Variants in TMEM131L observed in about 807,000 individuals in gnomAD.
The protein encoded by TMEM131L is transmembrane protein 131-like.
A neutral mutation model predicts 192.2 loss-of-function variants in TMEM131L; 54 were observed. That is an observed-to-expected ratio of 0.28 (90% CI 0.23 to 0.35). TMEM131L has a LOEUF of 0.35. Ranked by LOEUF, TMEM131L falls within the 10% of genes least tolerant of loss-of-function variation. TMEM131L has a pLI of 1.00. For synonymous variants in TMEM131L, 701 were observed against 704.9 expected, an observed-to-expected ratio of 0.99 and a Z score of 0.09; for missense variants, 1,888 against 1,972.9, an observed-to-expected ratio of 0.96 and a Z score of 0.82.
intron 3 of TMEM131L, among the ~76,000 whole-genome samples, chr4:153,484,280 G>A (rs1029143444): frequency 1.3e-5 from 2 of 152,070 alleles, no homozygotes; most frequent in Non-Finnish European, 1.5e-5. Context: ...AGTCTAGGCA[G>A]TATTTTACAG....
At chr4:153,578,222 A>G (rs1047139804) in intron 7 of TMEM131L, among the ~76,000 whole-genome samples, 5 of 152,156 alleles carry the variant, frequency 3.3e-5, no homozygotes, top group Non-Finnish European at 7.4e-5. Flanking sequence ...TGGGCATGGT[A>G]GTGCACGCTT....
At chr4:153,487,356 G>C (rs1397607249) in intron 3 of TMEM131L, among the ~76,000 whole-genome samples, 1 of 152,144 alleles carries the variant, frequency 6.6e-6, no homozygotes, top group Non-Finnish European at 1.5e-5. Context: ...TGGAGTGTTA[G>C]CTGGTGGATC....
chr4:153,480,808 T>G (rs115103413), intron 3 of TMEM131L, among the ~76,000 whole-genome samples: 1 of 152,228 alleles, frequency 6.6e-6, no homozygotes, highest in African/African-American at 2.4e-5. Flanking sequence ...AGAGTTCTCC[T>G]TTAGCTTGCA....
chr4:153,547,656 C>T (rs940064629), intron 3 of TMEM131L, among the ~76,000 whole-genome samples: 1 of 152,228 alleles, frequency 6.6e-6, no homozygotes, highest in Non-Finnish European at 1.5e-5. Context: ...GACTGATACT[C>T]TCAGGGCTGG....
chr4:153,557,192 G>T (rs1039630493), intron 6 of TMEM131L, 110 bp downstream of exon 6: 1 of 659,758 alleles, frequency 1.5e-6, no homozygotes, highest in Admixed American at 2.9e-5. Flanking sequence ...GGTTTATGTC[G>T]TTAAAATACA....
intron 7 of TMEM131L, among the ~76,000 whole-genome samples, chr4:153,566,512 AGTGTGAGTGT>A (rs1037903015): frequency 1.8e-5 from 2 of 113,418 alleles, no homozygotes; most frequent in African/African-American, 7.7e-5. Flanking sequence ...TTTGTGTGTG[AGTGTGAGTGT>A]GTGTGTGTGT....
chr4:153,560,216 A>G (rs1342430604), intron 7 of TMEM131L, among the ~76,000 whole-genome samples: 1 of 152,170 alleles, frequency 6.6e-6, no homozygotes, highest in East Asian at 1.9e-4. Context: ...CACCCATGGA[A>G]TGGAAGCTCC....
In TMEM131L at chr4:153,466,444, CG is replaced by C; in HGVS notation, c.49del (p.Ala17ArgfsTer3). ...CAGCCCGGCTGCTACTGCCGCACCG[CG>C]GCGGCCGTGAACCTCCTGCTGGGCG... ...RPQPGCYCRT[A>X]AAVNLLLGVF... On this transcript the variant is annotated frameshift_variant, in exon 1 of 35. Coordinates refer to ENST00000409959, the MANE Select transcript of TMEM131L (RefSeq NM_001131007.2). LOFTEE classifies it high-confidence loss of function. The C allele has an allele frequency of 7.1e-7, 1 of 1,415,440 alleles. No individual in the cohort carries two copies. The allele number at this position is 1,415,440 out of a possible 1,614,324, so 87.7% of individuals were successfully genotyped here. A position where few individuals can be genotyped will look rare whatever the true frequency, so the allele number is the denominator to read the frequency against.
intron 26 of TMEM131L, among the ~76,000 whole-genome samples, chr4:153,614,737 A>G (rs1408605538): frequency 6.6e-6 from 1 of 152,200 alleles, no homozygotes; most frequent in Admixed American, 6.5e-5. Flanking sequence ...CAATTGAATT[A>G]GAGAGGGAAG....
chr4:153,576,051 C>T (rs1406319468), intron 7 of TMEM131L, among the ~76,000 whole-genome samples: 2 of 152,018 alleles, frequency 1.3e-5, no homozygotes, highest in East Asian at 1.9e-4. Flanking sequence ...GCTCTGCCTC[C>T]CAGGTTCACG....
Position 153,621,802 on chromosome 4 carries a change from C to T in TMEM131L, c.3812C>T (p.Ala1271Val). Residue 1271 changes from alanine to valine, a missense_variant, in exon 28 of 35, where the codon GCA becomes GTA. Ala to Val is a moderately conservative substitution (Grantham distance 64). Coordinates refer to ENST00000409959, the MANE Select transcript of TMEM131L (RefSeq NM_001131007.2). ...IQESTREVCK[A>V]DAEIASSLPA... ...GAAAGCACTAGGGAGGTTTGTAAAGCAGATGCCGAAATTGCAAGCAGTTTA... is the reference window on the plus strand; with the variant it reads ...GAAAGCACTAGGGAGGTTTGTAAAGTAGATGCCGAAATTGCAAGCAGTTTA... The T allele has an allele frequency of 1.2e-6, 2 of 1,614,130 alleles. No homozygotes were observed. The highest frequency in any genetic ancestry group is 1.7e-6 in the Non-Finnish European group (2 of 1,180,010).
intron 3 of TMEM131L, among the ~76,000 whole-genome samples, chr4:153,537,951 C>T (rs529060576): frequency 4.6e-5 from 7 of 152,286 alleles, no homozygotes; most frequent in African/African-American, 1.4e-4. Context: ...GATTTTTTCT[C>T]TTCTGATTTT....
intron 3 of TMEM131L, among the ~76,000 whole-genome samples, chr4:153,503,900 T>G (rs962126114): frequency 6.6e-6 from 1 of 152,224 alleles, no homozygotes; most frequent in Non-Finnish European, 1.5e-5. Flanking sequence ...ACTTCTCTGA[T>G]TTTTCAACGT....
intron 3 of TMEM131L, among the ~76,000 whole-genome samples, chr4:153,539,175 G>C (rs1401738347): frequency 6.6e-6 from 1 of 152,164 alleles, no homozygotes; most frequent in African/African-American, 2.4e-5. Context: ...CCCAAAAGGG[G>C]GGGAGGCGGA....
chr4:153,526,015 C>T (rs1735451871), intron 3 of TMEM131L, among the ~76,000 whole-genome samples: 1 of 152,114 alleles, frequency 6.6e-6, no homozygotes, highest in Non-Finnish European at 1.5e-5. Flanking sequence ...CACTACTGCA[C>T]CCAGCTGATT....
intron 26 of TMEM131L, among the ~76,000 whole-genome samples, chr4:153,614,149 A>G (rs1257779282): frequency 2.0e-5 from 3 of 152,210 alleles, no homozygotes; most frequent in Admixed American, 2.0e-4. Context: ...TAGAGGAACC[A>G]TTGAGGCATA....
intron 26 of TMEM131L, among the ~76,000 whole-genome samples, chr4:153,618,947 G>A (rs1383768775): frequency 1.3e-5 from 2 of 152,082 alleles, no homozygotes; most frequent in African/African-American, 4.8e-5. Flanking sequence ...TTCAGAAGGT[G>A]CTCCCTGCCA....
In TMEM131L at chr4:153,469,812, G is replaced by A. The variant is rs530503322; in HGVS notation, c.195+2531G>A. 3.9e-5 allele frequency among the ~76,000 whole-genome samples: 6 copies of A among 152,206 alleles called. No individual in the cohort carries two copies. The South Asian group carries it at 1.2e-3, about 32-fold the overall frequency. ...GTGGTGGTGCAGGCCTGTAATCCCA[G>A]CTGCTCGGGAGGCTGAGGCAGGAGA... is the stretch of plus-strand genomic sequence containing the variant. On this transcript the variant is annotated intron_variant, in intron 2 of 34. Transcript: ENST00000409959.
chr4:153,477,626 T>C (rs1014629205), intron 3 of TMEM131L, among the ~76,000 whole-genome samples: 1 of 152,218 alleles, frequency 6.6e-6, no homozygotes, highest in African/African-American at 2.4e-5. Context: ...ATCATGCCTG[T>C]GTACTTGCAA....
Sources: gnomAD v4.1 joint callset for allele counts (sites outside exome capture counted in the v4.1 genomes callset) on GRCh38, gnomAD v4.1.1 for gene constraint, MANE v1.5 for transcripts, NCBI Gene and HGNC (gene_info 2026-07-23, HGNC 2026-07-21) for gene names.